The following FBXW7 variants were observed in gnomAD, a reference collection of about 807,000 sequenced individuals.
The protein encoded by FBXW7 is F-box and WD repeat domain containing 7, also known as F-box/WD repeat-containing protein 7.
FBXW7 carries 11 observed loss-of-function variants against 86.3 expected under a neutral mutation model. The observed-to-expected ratio is 0.13, with a 90% CI of 0.08 to 0.21. The LOEUF (loss-of-function observed/expected upper bound fraction) is 0.21. Among genes scored for constraint, FBXW7 ranks in the 10% least tolerant of loss-of-function variants. The probability of loss-of-function intolerance (pLI) is 1.00; values close to 1 mark genes in which losing one functional copy is unlikely to be tolerated. For missense variants in FBXW7, 488 were observed against 847.4 expected, an observed-to-expected ratio of 0.58 and a Z score of 5.27; for synonymous variants, 313 against 297.9, an observed-to-expected ratio of 1.05 and a Z score of -0.52.
chr4:152,418,462 C>T (rs1179468220), intron 2 of FBXW7, among the ~76,000 whole-genome samples: 1 of 152,016 alleles, frequency 6.6e-6, no homozygotes, highest in Non-Finnish European at 1.5e-5. Flanking sequence ...GGAAGGATAT[C>T]AGCAAGTCTC....
At position 152,329,829 on chromosome 4, in the gene FBXW7, T is replaced by C. The variant is rs774930781; in HGVS notation, c.1123-44A>G. Reference sequence around the variant, plus strand: ...GATTAGAAATATGTTAATTAAATTATGTTCTTTAAAATACTGGTGAAGAGA... The same window carrying C: ...GATTAGAAATATGTTAATTAAATTACGTTCTTTAAAATACTGGTGAAGAGA... On this transcript the variant is annotated intron_variant, in intron 9 of 13. Coordinates refer to ENST00000281708, the MANE Select transcript of FBXW7 (RefSeq NM_001349798.2). 3.4e-6 allele frequency: 4 copies of C among 1,165,706 alleles called. No homozygotes were observed. The East Asian group carries it at 1.1e-4, about 33-fold the overall frequency. 72.2% of individuals were successfully genotyped at this position (1,165,706 alleles called of 1,614,324 possible). A position where few individuals can be genotyped will look rare whatever the true frequency, so the allele number is the denominator to read the frequency against.
chr4:152,417,944 C>A (rs1490765899), intron 2 of FBXW7, among the ~76,000 whole-genome samples: 1 of 152,028 alleles, frequency 6.6e-6, no homozygotes, highest in South Asian at 2.1e-4. Flanking sequence ...AGATTCCCTG[C>A]GCATCAAATC....
intron 2 of FBXW7, among the ~76,000 whole-genome samples, chr4:152,434,385 T>C (rs896275122): frequency 1.2e-4 from 18 of 152,334 alleles, no homozygotes; most frequent in African/African-American, 4.1e-4. Flanking sequence ...TTCATGAAAT[T>C]GGAAAGTGAG....
intron 2 of FBXW7, among the ~76,000 whole-genome samples, chr4:152,468,107 T>C (rs1048754114): frequency 1.3e-5 from 2 of 152,224 alleles, no homozygotes; most frequent in East Asian, 3.9e-4. Flanking sequence ...TACAACTTCA[T>C]ACCTACTAGA....
At chr4:152,433,956 G>A (rs1560892359) in intron 2 of FBXW7, among the ~76,000 whole-genome samples, 1 of 152,222 alleles carries the variant, frequency 6.6e-6, no homozygotes, top group Non-Finnish European at 1.5e-5. Context: ...CAAACAACAT[G>A]AGTTTGAACA....
intron 2 of FBXW7, among the ~76,000 whole-genome samples, chr4:152,492,795 T>C (rs567160047): frequency 1.3e-5 from 2 of 152,062 alleles, no homozygotes; most frequent in East Asian, 1.9e-4. Flanking sequence ...CAAAGAATAG[T>C]AAGGCTAAGG....
At chr4:152,402,270 T>C (rs1737008788) in intron 4 of FBXW7, among the ~76,000 whole-genome samples, 1 of 152,176 alleles carries the variant, frequency 6.6e-6, no homozygotes, top group Non-Finnish European at 1.5e-5. Context: ...TATACACTAA[T>C]TCTTTGTTGA....
chr4:152,415,131 T>C (rs1483731677), intron 2 of FBXW7, among the ~76,000 whole-genome samples: 1 of 152,166 alleles, frequency 6.6e-6, no homozygotes, highest in African/African-American at 2.4e-5. Context: ...ATACAGTTGT[T>C]AAATAAGTGG....
chr4:152,426,634 G>C (rs1235678270), intron 2 of FBXW7, among the ~76,000 whole-genome samples: 2 of 152,130 alleles, frequency 1.3e-5, no homozygotes, highest in African/African-American at 4.8e-5. Flanking sequence ...GATCAGACCT[G>C]TAACAGGGGG....
chr4:152,444,966 G>C (rs1461062461), intron 2 of FBXW7, among the ~76,000 whole-genome samples: 2 of 152,124 alleles, frequency 1.3e-5, no homozygotes, highest in East Asian at 3.9e-4. Context: ...TGTGACTACA[G>C]GCACATGCCA....
At chr4:152,444,883 C>T (rs903716055) in intron 2 of FBXW7, among the ~76,000 whole-genome samples, 1 of 152,206 alleles carries the variant, frequency 6.6e-6, no homozygotes, top group African/African-American at 2.4e-5. Flanking sequence ...CCAGGCTGGA[C>T]TGCAGTGGCA....
chr4:152,461,747 T>C (rs918753761), intron 2 of FBXW7, among the ~76,000 whole-genome samples: 2 of 152,206 alleles, frequency 1.3e-5, no homozygotes, highest in African/African-American at 4.8e-5. Flanking sequence ...CAACCAGATT[T>C]TGTCGCAATC....
chr4:152,381,641 A>G (rs916235860), intron 4 of FBXW7, among the ~76,000 whole-genome samples: 2 of 152,140 alleles, frequency 1.3e-5, no homozygotes, highest in East Asian at 3.8e-4. Context: ...AGGATTGTCT[A>G]TATATAAACC....
intron 4 of FBXW7, among the ~76,000 whole-genome samples, chr4:152,395,749 T>C (rs1736371831): frequency 6.6e-6 from 1 of 152,040 alleles, no homozygotes; most frequent in Admixed American, 6.6e-5. Context: ...TAAACATTTC[T>C]ACAGAAGTGC....
intron 13 of FBXW7, 167 bp from the exon 14 acceptor site, chr4:152,323,316 T>G: frequency 1.3e-6 from 1 of 795,680 alleles, no homozygotes; most frequent in South Asian, 2.0e-5. Flanking sequence ...AGCATGGATG[T>G]AAGAAAATCT....
chr4:152,356,974 CAA>C lies in FBXW7; in HGVS notation c.502-6852_502-6851del, dbSNP rs1283050250. Among the ~76,000 whole-genome samples, 8 of 152,264 alleles carry C rather than the reference CAA, an allele frequency of 5.3e-5. No homozygotes were observed. The East Asian group carries it at 1.2e-3, about 22-fold the overall frequency. ...CCATTGGAAATACAGTCAATTAACA[CAA>C]GAGCATAGTGTAACGTAATATACAC... is the stretch of plus-strand genomic sequence containing the variant. On this transcript the variant is annotated intron_variant, in intron 4 of 13. Coordinates refer to ENST00000281708, the MANE Select transcript of FBXW7 (RefSeq NM_001349798.2).
At chr4:152,425,829 T>TA (rs905601276) in intron 2 of FBXW7, among the ~76,000 whole-genome samples, 7 of 152,104 alleles carry the variant, frequency 4.6e-5, no homozygotes, top group African/African-American at 9.7e-5. Context: ...GATAGTTCTC[T>TA]AATAGGAAAC....
intron 4 of FBXW7, among the ~76,000 whole-genome samples, chr4:152,370,154 T>C (rs897186117): frequency 5.9e-5 from 9 of 152,148 alleles, no homozygotes; most frequent in East Asian, 1.9e-4. Flanking sequence ...CTATGGATTA[T>C]TGAAAAGCTG....
At chr4:152,387,956 C>T (rs1735683545) in intron 4 of FBXW7, among the ~76,000 whole-genome samples, 1 of 152,088 alleles carries the variant, frequency 6.6e-6, no homozygotes, top group African/African-American at 2.4e-5. Flanking sequence ...GATCCGCCCA[C>T]CTCGGCCTCC....
Sources: gnomAD v4.1 joint callset for allele counts (sites outside exome capture counted in the v4.1 genomes callset) on GRCh38, gnomAD v4.1.1 for gene constraint, MANE v1.5 for transcripts, NCBI Gene and HGNC (gene_info 2026-07-23, HGNC 2026-07-21) for gene names.